The following PCDH9 variants were observed in gnomAD, a reference collection of about 807,000 sequenced individuals.
The protein encoded by PCDH9 is protocadherin-9.
PCDH9 carries 24 observed loss-of-function variants against 70.6 expected under a neutral mutation model. The observed-to-expected ratio is 0.34, with a 90% CI of 0.25 to 0.48. The LOEUF is 0.48. PCDH9 is among the 20% of genes least tolerant of loss of function. PCDH9 has a pLI of 0.99. For synonymous variants in PCDH9, 562 were observed against 558.5 expected, an observed-to-expected ratio of 1.01 and a Z score of -0.09; for missense variants, 1,281 against 1,503.6, an observed-to-expected ratio of 0.85 and a Z score of 2.45.
At chr13:66,970,278 G>A (rs1434942744) in intron 2 of PCDH9, among the ~76,000 whole-genome samples, 1 of 151,846 alleles carries the variant, frequency 6.6e-6, no homozygotes, top group Non-Finnish European at 1.5e-5. Context: ...AGTATTATGT[G>A]GGTCTTCGTG....
At chr13:66,877,123 A>G (rs923096192) in intron 3 of PCDH9, among the ~76,000 whole-genome samples, 2 of 151,928 alleles carry the variant, frequency 1.3e-5, no homozygotes, top group Admixed American at 1.3e-4. Context: ...ATTTAAAATA[A>G]TAAAAGAGAC....
chr13:66,956,006 G>A (rs2139713166), intron 2 of PCDH9, among the ~76,000 whole-genome samples: 1 of 152,288 alleles, frequency 6.6e-6, no homozygotes, highest in African/African-American at 2.4e-5. Context: ...GAAGGCTGAG[G>A]CAGGAGAATC....
At chr13:66,433,444 T>G (rs1020842217) in intron 4 of PCDH9, among the ~76,000 whole-genome samples, 1 of 151,720 alleles carries the variant, frequency 6.6e-6, no homozygotes, top group Non-Finnish European at 1.5e-5. Context: ...AAACCTTCCT[T>G]TTTTTTCAAG....
At chr13:66,998,640 T>C (rs1566352021) in intron 2 of PCDH9, among the ~76,000 whole-genome samples, 1 of 152,204 alleles carries the variant, frequency 6.6e-6, no homozygotes, top group Non-Finnish European at 1.5e-5. Context: ...CAGGCATCGT[T>C]GACTTCTCCC....
At chr13:67,131,337 G>C (rs777412087) in intron 2 of PCDH9, among the ~76,000 whole-genome samples, 1 of 152,096 alleles carries the variant, frequency 6.6e-6, no homozygotes, top group Non-Finnish European at 1.5e-5. Flanking sequence ...CATCTTCACT[G>C]ATCCAGGAAG....
intron 3 of PCDH9, among the ~76,000 whole-genome samples, chr13:66,750,805 C>T (rs2079445318): frequency 6.6e-6 from 1 of 151,586 alleles, no homozygotes. Context: ...AAGAGCACAG[C>T]CCTACCCATA....
At chr13:67,222,057 A>G (rs2089737370) in intron 2 of PCDH9, 2 of 152,184 alleles carry the variant, frequency 1.3e-5, no homozygotes, top group South Asian at 4.1e-4. Context: ...TGTTTTAAGT[A>G]GTGCTCCAAA....
intron 4 of PCDH9, among the ~76,000 whole-genome samples, chr13:66,495,855 C>T (rs1226090696): frequency 6.6e-6 from 1 of 152,134 alleles, no homozygotes; most frequent in Non-Finnish European, 1.5e-5. Flanking sequence ...GTGCCCAAAT[C>T]GTGACTCTGC....
chr13:66,804,478 G>A (rs1047379700), intron 3 of PCDH9, among the ~76,000 whole-genome samples: 1 of 151,950 alleles, frequency 6.6e-6, no homozygotes, highest in Non-Finnish European at 1.5e-5. Flanking sequence ...GAGATAGAGA[G>A]GAAGATTGTA....
chr13:67,006,859 A>G (rs1263930139), intron 2 of PCDH9, among the ~76,000 whole-genome samples: 1 of 152,176 alleles, frequency 6.6e-6, no homozygotes, highest in East Asian at 1.9e-4. Context: ...ACAATTTCAT[A>G]ACTTATTTAT....
chr13:66,399,769 C>T (rs1383755189), intron 4 of PCDH9, among the ~76,000 whole-genome samples: 1 of 151,794 alleles, frequency 6.6e-6, no homozygotes, highest in Non-Finnish European at 1.5e-5. Context: ...AAGTAAAATG[C>T]TACCCAAAGT....
At chr13:66,616,250 TC>T (rs1343760161) in intron 4 of PCDH9, among the ~76,000 whole-genome samples, 2 of 152,206 alleles carry the variant, frequency 1.3e-5, no homozygotes, top group African/African-American at 4.8e-5. Context: ...CTTTATGTGT[TC>T]TTATCTGAGA....
In PCDH9 at chr13:66,334,407, A is replaced by G. The variant is rs1218267060; in HGVS notation, c.3341-29379T>C. On this transcript the variant is annotated intron_variant, in intron 4 of 4. Coordinates refer to ENST00000377865, the MANE Select transcript of PCDH9 (RefSeq NM_203487.3). ...ATCAGTAGACTTTTAAATAAAGAAA[A>G]CACCTCCATAATGTGTGTGTTGGTC... 6.6e-5 allele frequency among the ~76,000 whole-genome samples: 10 copies of G among 152,222 alleles called. No homozygotes were observed. In the East Asian group the frequency reaches 1.9e-3, roughly 29 times the overall value.
chr13:66,961,592 G>A (rs2083346583), intron 2 of PCDH9, among the ~76,000 whole-genome samples: 1 of 152,196 alleles, frequency 6.6e-6, no homozygotes. Flanking sequence ...CCAGGAGTTT[G>A]AGACCAGCCT....
intron 3 of PCDH9, among the ~76,000 whole-genome samples, chr13:66,837,103 G>C (rs1368268951): frequency 1.3e-5 from 2 of 152,160 alleles, no homozygotes; most frequent in African/African-American, 4.8e-5. Context: ...GAATTGCTAG[G>C]TTATAGAACA....
intron 2 of PCDH9, among the ~76,000 whole-genome samples, chr13:66,929,772 A>G (rs2082777302): frequency 6.6e-6 from 1 of 152,224 alleles, no homozygotes; most frequent in Non-Finnish European, 1.5e-5. Flanking sequence ...TAGCCTTCAC[A>G]ATAAGGAAAA....
intron 3 of PCDH9, among the ~76,000 whole-genome samples, chr13:66,633,515 G>A (rs533648602): frequency 6.2e-4 from 95 of 152,178 alleles, no homozygotes; most frequent in Non-Finnish European, 1.2e-3. Flanking sequence ...ATATCCTTTT[G>A]TGATAAAGAC....
intron 2 of PCDH9, among the ~76,000 whole-genome samples, chr13:67,199,546 C>T: frequency 6.6e-6 from 1 of 151,740 alleles, no homozygotes; most frequent in South Asian, 2.1e-4. Flanking sequence ...ATATGTACTA[C>T]TTGTAAATAA....
intron 3 of PCDH9, among the ~76,000 whole-genome samples, chr13:66,779,873 A>ACATATATGTGTG (rs1555268249): frequency 8.6e-6 from 1 of 115,878 alleles, no homozygotes; most frequent in Non-Finnish European, 1.7e-5. Flanking sequence ...ATATACATAT[A>ACATATATGTGTG]TGTGTGTGTG....
Sources: gnomAD v4.1 joint callset for allele counts (sites outside exome capture counted in the v4.1 genomes callset) on GRCh38, gnomAD v4.1.1 for gene constraint, MANE v1.5 for transcripts, NCBI Gene and HGNC (gene_info 2026-07-23, HGNC 2026-07-21) for gene names.